KIF20B: variants seen among roughly 807,000 people sequenced by gnomAD.
The protein encoded by KIF20B is kinesin-like protein KIF20B.
In KIF20B, 188 loss-of-function variants were observed where a neutral mutation model predicts 232.5. That is an observed-to-expected ratio of 0.81 (90% CI 0.72 to 0.91). The LOEUF (loss-of-function observed/expected upper bound fraction) is 0.91. Ranked by LOEUF, KIF20B falls within the 40% of genes least tolerant of loss-of-function variation. The probability of loss-of-function intolerance (pLI) is 0.00; values close to 1 mark genes in which losing one functional copy is unlikely to be tolerated. For synonymous variants in KIF20B, 712 were observed against 683.0 expected, an observed-to-expected ratio of 1.04 and a Z score of -0.66; for missense variants, 2,154 against 2,055.9, an observed-to-expected ratio of 1.05 and a Z score of -0.92.
intron 14 of KIF20B, among the ~76,000 whole-genome samples, chr10:89,724,469 C>T (rs1050587767): frequency 1.2e-4 from 19 of 152,198 alleles, no homozygotes; most frequent in Middle Eastern, 6.8e-3. Context: ...GTGTAGGTTG[C>T]AGTGAGCTGA....
chr10:89,723,973 G>A lies in KIF20B; in HGVS notation c.1732G>A (p.Asp578Asn). The A allele has an allele frequency of 6.5e-7, 1 of 1,540,078 alleles. No individual in the cohort carries two copies. The highest frequency in any genetic ancestry group is 8.8e-7 in the Non-Finnish European group (1 of 1,142,706). ...ISHEEKRKLL[D>N]LIEDLKKKLI... ...CATTTACATGTAATAGAAACTGTTG[G>A]ACTTAATAGAAGACTTGAAAAAAAA... Residue 578 changes from aspartate to asparagine, a missense_variant, in exon 14 of 33, where the codon GAC (aspartate) becomes AAC (asparagine). Transcript: ENST00000371728.
chr10:89,744,556 T>C lies in KIF20B; in HGVS notation c.4035+629T>C, dbSNP rs114228082. On this transcript the variant is annotated intron_variant, in intron 22 of 32. Coordinates refer to ENST00000371728, the MANE Select transcript of KIF20B (RefSeq NM_001284259.2). ...AAATTCTTTGGAACTCTTGCAAAGCTAAAATTATTTTGAAATAAAATGCAA... is the reference window on the plus strand; with the variant it reads ...AAATTCTTTGGAACTCTTGCAAAGCCAAAATTATTTTGAAATAAAATGCAA... 6.7e-3 allele frequency among the ~76,000 whole-genome samples: 1,016 copies of C among 152,246 alleles called. 13 individuals are homozygous for C. Among genetic ancestry groups the C allele is most frequent in the African/African-American group, 0.023 (967 of 41,558 alleles).
Position 89,745,908 on chromosome 10 carries a change from A to G in KIF20B, c.4045A>G (p.Asn1349Asp). Residue 1349 changes from asparagine to aspartate, a missense_variant, in exon 23 of 33, where the codon AAT becomes GAT. Physicochemically the swap from Asn to Asp is conservative, Grantham distance 23. Coordinates refer to ENST00000371728, the MANE Select transcript of KIF20B (RefSeq NM_001284259.2). The part of the protein sequence containing the change: ...RTIQQLKEQL[N>D]NQKVEEAIQQ... ...TTCTTTCAATTTGTAGGAGCAGTTA[A>G]ATAATCAGAAAGTGGAAGAAGCTAT... The G allele has an allele frequency of 1.9e-6, 3 of 1,602,900 alleles. No homozygotes were observed. Among genetic ancestry groups the G allele is most frequent in the Non-Finnish European group, 2.6e-6 (3 of 1,169,754 alleles).
chr10:89,730,083 C>A (rs190547733), intron 18 of KIF20B, among the ~76,000 whole-genome samples: 1 of 152,082 alleles, frequency 6.6e-6, no homozygotes, highest in Non-Finnish European at 1.5e-5. Context: ...TTCCCTGATT[C>A]ATCTGAACTT....
intron 2 of KIF20B, among the ~76,000 whole-genome samples, chr10:89,706,836 G>T (rs1206917485): frequency 1.3e-5 from 2 of 151,916 alleles, no homozygotes; most frequent in Non-Finnish European, 2.9e-5. Context: ...TTGAAATTAG[G>T]TAGTGTGAAT....
intron 26 of KIF20B, among the ~76,000 whole-genome samples, chr10:89,757,052 A>G (rs1028407761): frequency 0.011 from 1,363 of 122,296 alleles, 19 homozygotes; most frequent in Middle Eastern, 0.022. Flanking sequence ...ATATATATAT[A>G]TATATATATA....
chr10:89,721,177 G>GT (rs1843049579), intron 13 of KIF20B, among the ~76,000 whole-genome samples: 2 of 152,146 alleles, frequency 1.3e-5, no homozygotes, highest in Admixed American at 1.3e-4. Context: ...GAACGATGAT[G>GT]TATTAGGCTA....
At chr10:89,703,122 T>A (rs543587514) in intron 1 of KIF20B, among the ~76,000 whole-genome samples, 5 of 152,292 alleles carry the variant, frequency 3.3e-5, no homozygotes, top group African/African-American at 1.2e-4. Context: ...CAAAAATTAT[T>A]ATTTGAAGCC....
intron 2 of KIF20B, among the ~76,000 whole-genome samples, chr10:89,708,212 G>A (rs11185847): frequency 0.019 from 2,546 of 132,996 alleles, 88 homozygotes; most frequent in African/African-American, 0.062. Context: ...TGTACAATTT[G>A]TATTTTTTTT....
chr10:89,746,235 C>A (rs960667213), intron 23 of KIF20B, among the ~76,000 whole-genome samples: 3 of 152,224 alleles, frequency 2.0e-5, no homozygotes, highest in Non-Finnish European at 4.4e-5. Context: ...CTCAATTAGA[C>A]CCTCTGCCTT....
At chr10:89,724,951 G>A in intron 14 of KIF20B, 69 bp from the exon 15 acceptor site, 1 of 1,441,700 alleles carries the variant, frequency 6.9e-7, no homozygotes, top group Non-Finnish European at 9.6e-7. Flanking sequence ...CTTAAACTTA[G>A]ATGTTTAAAA....
At chr10:89,710,343 G>A (rs879436471) in intron 5 of KIF20B, among the ~76,000 whole-genome samples, 1 of 151,430 alleles carries the variant, frequency 6.6e-6, no homozygotes, top group Admixed American at 6.6e-5. Context: ...TGCCTGAGCT[G>A]CTCAGCTTCC....
Position 89,772,788 on chromosome 10 carries a change from A to T in KIF20B, c.5342A>T (p.Tyr1781Phe), listed in dbSNP as rs1285160504. Residue 1781 changes from tyrosine to phenylalanine, a missense_variant, in exon 32 of 33, where the codon TAC becomes TTC. Physicochemically the swap from Tyr to Phe is conservative, Grantham distance 22 (BLOSUM62 3). Coordinates refer to ENST00000371728, the MANE Select transcript of KIF20B (RefSeq NM_001284259.2). Reference sequence around the variant, plus strand: ...CCAAAACGAGCCAAACGGAAATTATACACAAGTGAAATTTCATCTCCTATT... The same window carrying T: ...CCAAAACGAGCCAAACGGAAATTATTCACAAGTGAAATTTCATCTCCTATT... Reference protein sequence around the residue: ...SQPKRAKRKLYTSEISSPIDI... With the variant: ...SQPKRAKRKLFTSEISSPIDI... The T allele has an allele frequency of 6.2e-7, 1 of 1,610,676 alleles. No homozygotes were observed. Among genetic ancestry groups the T allele is most frequent in the Admixed American group, 1.7e-5 (1 of 59,668 alleles).
At chr10:89,741,014 C>T (rs1279021370) in intron 21 of KIF20B, among the ~76,000 whole-genome samples, 2 of 152,094 alleles carry the variant, frequency 1.3e-5, no homozygotes, top group Admixed American at 6.6e-5. Flanking sequence ...AGTTATTGTG[C>T]ACTTTATATT....
chr10:89,717,666 T>TG lies in KIF20B; in HGVS notation c.1215_1216insG (p.Ser406ValfsTer10), dbSNP rs1376401495. On this transcript the variant is annotated frameshift_variant, in exon 11 of 33. Coordinates refer to ENST00000371728, the MANE Select transcript of KIF20B (RefSeq NM_001284259.2). LOFTEE classifies it high-confidence loss of function. The stretch of plus-strand genomic sequence containing the variant: ...TAAGAGAGACTGGGAATATCAACAC[T>TG]TCTTTATTGACTCTGGGAAAGTGTA... The TG allele has an allele frequency of 6.2e-7, 1 of 1,609,960 alleles. No homozygotes were observed.
rs1378649690 is a variant in KIF20B, at chr10:89,774,644, G to T, written c.*596G>T. On this transcript the variant is annotated 3_prime_UTR_variant, in exon 33 of 33. Transcript: ENST00000371728. ...AAATACGTGTATCATGGAGAATGAG[G>T]TATCCATCCCCTCAAGCATTTTTCC... is the stretch of plus-strand genomic sequence containing the variant. 3 of 151,862 alleles carry T rather than the reference G, an allele frequency of 2.0e-5. No homozygotes were observed. The highest frequency in any genetic ancestry group is 4.8e-5 in the African/African-American group (2 of 41,386). The allele number at this position is 151,862 out of a possible 1,614,324, so 9.4% of individuals were successfully genotyped here. A position where few individuals can be genotyped will look rare whatever the true frequency, so the allele number is the denominator to read the frequency against.
At chr10:89,751,989 G>T (rs1842030479) in intron 24 of KIF20B, among the ~76,000 whole-genome samples, 1 of 151,854 alleles carries the variant, frequency 6.6e-6, no homozygotes, top group South Asian at 2.1e-4. Context: ...CAGGGTACTT[G>T]TGCTTACTCA....
intron 18 of KIF20B, among the ~76,000 whole-genome samples, chr10:89,730,754 A>G (rs929778030): frequency 2.6e-5 from 4 of 152,190 alleles, no homozygotes; most frequent in African/African-American, 9.7e-5. Context: ...GTAGAATAGG[A>G]TAAGATGAAA....
chr10:89,735,551 T>G (rs1292360760), intron 19 of KIF20B, among the ~76,000 whole-genome samples: 2 of 147,700 alleles, frequency 1.4e-5, no homozygotes, highest in Non-Finnish European at 3.0e-5. Flanking sequence ...TTTTTTTTTT[T>G]TTTTTGAGAC....
Sources: gnomAD v4.1 joint callset for allele counts (sites outside exome capture counted in the v4.1 genomes callset) on GRCh38, gnomAD v4.1.1 for gene constraint, MANE v1.5 for transcripts, NCBI Gene and HGNC (gene_info 2026-07-23, HGNC 2026-07-21) for gene names.